FRMD6: variants seen among roughly 807,000 people sequenced by gnomAD.
FRMD6 encodes FERM domain-containing protein 6.
Under a neutral mutation model 73.2 loss-of-function variants are expected in FRMD6, and 37 were observed. That is an observed-to-expected ratio of 0.51 (90% CI 0.39 to 0.66). FRMD6 has a LOEUF of 0.66. Ranked by LOEUF, FRMD6 falls within the 30% of genes least tolerant of loss-of-function variation. The pLI, the probability that FRMD6 is intolerant of heterozygous loss-of-function variation, is 0.00. For synonymous variants in FRMD6, 273 were observed against 282.2 expected (o/e 0.97, Z 0.33); for missense variants, 714 against 780.5 (o/e 0.91, Z 1.02).
At chr14:51,700,093 A>C (rs1896211229) in intron 3 of FRMD6, among the ~76,000 whole-genome samples, 2 of 152,034 alleles carry the variant, frequency 1.3e-5, no homozygotes, top group East Asian at 3.9e-4. Flanking sequence ...AAGTGTAGCA[A>C]AGTGTGCACA....
chr14:51,481,285 C>T, the FRMD6 span, among the ~76,000 whole-genome samples: 1 of 152,256 alleles, frequency 6.6e-6, no homozygotes, highest in African/African-American at 2.4e-5. Flanking sequence ...ACTCACAGTT[C>T]TACATGGCTG....
the FRMD6 span, among the ~76,000 whole-genome samples, chr14:51,448,797 G>A: frequency 4.6e-5 from 7 of 152,126 alleles, no homozygotes; most frequent in Non-Finnish European, 7.3e-5. Context: ...AATAAAACTT[G>A]GGGCAGGAAA....
At chr14:51,656,279 G>C (rs1181096322) in intron 1 of FRMD6, among the ~76,000 whole-genome samples, 1 of 152,176 alleles carries the variant, frequency 6.6e-6, no homozygotes, top group Non-Finnish European at 1.5e-5. Flanking sequence ...TGATCTCTCA[G>C]CTGATTGTAT....
chr14:51,569,935 C>T (rs1190330769), intron 1 of FRMD6, among the ~76,000 whole-genome samples: 1 of 152,084 alleles, frequency 6.6e-6, no homozygotes. Context: ...CCTGCCTCAG[C>T]CTCCCGAGTA....
chr14:51,710,372 G>A (rs990527519), intron 7 of FRMD6, among the ~76,000 whole-genome samples: 6 of 152,054 alleles, frequency 3.9e-5, no homozygotes, highest in African/African-American at 9.7e-5. Flanking sequence ...AAAAAAACCC[G>A]TTTTGTGCCC....
chr14:51,411,424 C>T, the FRMD6 span, among the ~76,000 whole-genome samples: 24 of 152,196 alleles, frequency 1.6e-4, 1 homozygote, highest in East Asian at 3.3e-3. Flanking sequence ...AAGAGGCAGT[C>T]GGTGGAGGGG....
chr14:51,511,747 G>A (rs1187822592), intron 1 of FRMD6, among the ~76,000 whole-genome samples: 10 of 151,992 alleles, frequency 6.6e-5, no homozygotes, highest in South Asian at 2.1e-4. Context: ...ACTAGGGGAG[G>A]GATAGCATTA....
rs1408071618 is a variant in FRMD6, at chr14:51,720,400, C to G, written c.1360+10C>G. 1 of 1,611,736 alleles carries G rather than the reference C, an allele frequency of 6.2e-7. No individual in the cohort carries two copies. The highest frequency in any genetic ancestry group is 8.5e-7 in the Non-Finnish European group (1 of 1,178,852). ...GACTTACAGGACGATGGTAACAGTA[C>G]TGTCCCCTCACTGGCTCTCTGTTTA... On this transcript the variant is annotated intron_variant, in intron 11 of 13. Transcript: ENST00000344768.
At chr14:51,487,894 T>G (rs1038393473), upstream of FRMD6, among the ~76,000 whole-genome samples, 9 of 152,186 alleles carry the variant, frequency 5.9e-5, no homozygotes, top group African/African-American at 1.9e-4. Context: ...AAATTCATAT[T>G]AGCTGGAATT....
At chr14:51,713,106 G>GT (rs200531231) in intron 9 of FRMD6, among the ~76,000 whole-genome samples, 3,696 of 152,086 alleles carry the variant, frequency 0.024, 70 homozygotes, top group Non-Finnish European at 0.033. Context: ...AGCTATATCC[G>GT]TTTTTTGGTA....
the FRMD6 span, among the ~76,000 whole-genome samples, chr14:51,468,391 A>G: frequency 6.6e-6 from 1 of 152,160 alleles, no homozygotes; most frequent in Non-Finnish European, 1.5e-5. Flanking sequence ...AACTTTTTCT[A>G]AATTTATTTT....
At chr14:51,563,362 G>C (rs976019195) in intron 1 of FRMD6, among the ~76,000 whole-genome samples, 1 of 152,158 alleles carries the variant, frequency 6.6e-6, no homozygotes, top group Non-Finnish European at 1.5e-5. Context: ...TCAAGAGCTA[G>C]AGCCATGGTA....
intron 2 of FRMD6, among the ~76,000 whole-genome samples, chr14:51,602,530 A>G (rs1890080758): frequency 6.6e-6 from 1 of 152,244 alleles, no homozygotes; most frequent in Non-Finnish European, 1.5e-5. Context: ...ATCACATTTC[A>G]GGGTCTATAA....
chr14:51,486,373 TGAG>T (rs1882761426), upstream of FRMD6, among the ~76,000 whole-genome samples: 1 of 152,162 alleles, frequency 6.6e-6, no homozygotes, highest in Admixed American at 6.5e-5. Flanking sequence ...TCTGATGGAC[TGAG>T]GAGGGCTATC....
intron 5 of FRMD6, chr14:51,704,538 G>T: frequency 1.9e-6 from 1 of 516,256 alleles, no homozygotes; most frequent in Non-Finnish European, 3.4e-6. Context: ...TTATTGTCTG[G>T]ATAGTCTGAT....
the FRMD6 span, chr14:51,436,155 G>C: frequency 3.8e-6 from 1 of 264,580 alleles, no homozygotes; most frequent in South Asian, 4.6e-5. Flanking sequence ...GGGAGAAGAA[G>C]AGCAAGAAGC....
the FRMD6 span, among the ~76,000 whole-genome samples, chr14:51,406,472 T>C: frequency 1.3e-5 from 2 of 152,164 alleles, no homozygotes; most frequent in Non-Finnish European, 2.9e-5. Context: ...TGTTTTCTAT[T>C]TGTTTATGTG....
chr14:51,630,910 C>T (rs1253592366), intron 2 of FRMD6, among the ~76,000 whole-genome samples: 20 of 152,146 alleles, frequency 1.3e-4, no homozygotes, highest in Admixed American at 1.3e-3. Context: ...CCACTCATTT[C>T]CACACTCTGC....
At chr14:51,433,151 A>G in the FRMD6 span, among the ~76,000 whole-genome samples, 1 of 152,368 alleles carries the variant, frequency 6.6e-6, no homozygotes, top group South Asian at 2.1e-4. Context: ...ACAAAGCTAC[A>G]TGTGCGTTTA....
Sources: allele counts gnomAD v4.1 joint callset (sites outside exome capture counted in the v4.1 genomes callset), GRCh38; gene constraint gnomAD v4.1.1; transcripts MANE v1.5; gene names NCBI Gene and HGNC (gene_info 2026-07-23, HGNC 2026-07-21).